CHTF18: variants seen among roughly 807,000 people sequenced by gnomAD.
The protein encoded by CHTF18 is chromosome transmission fidelity factor 18, also known as chromosome transmission fidelity protein 18 homolog.
A neutral mutation model predicts 113.4 loss-of-function variants in CHTF18; 151 were observed. The ratio of observed to expected loss-of-function variants is 1.33; its 90% CI spans 1.17 to 1.52. The LOEUF (loss-of-function observed/expected upper bound fraction) is 1.52. CHTF18 is among the 40% of genes most tolerant of loss of function. The probability of loss-of-function intolerance (pLI) is 0.00; values close to 1 mark genes in which losing one functional copy is unlikely to be tolerated. For missense variants in CHTF18, 1,982 were observed against 1,381.6 expected (o/e 1.43, Z -6.89); for synonymous variants, 916 against 598.8 (o/e 1.53, Z -7.74).
chr16:790,439 G>T (rs1018554427), intron 6 of CHTF18, 40 bp downstream of exon 6: 1 of 1,611,656 alleles, frequency 6.2e-7, no homozygotes, highest in African/African-American at 1.3e-5. Flanking sequence ...ACCCTTGTTG[G>T]CTCTTGCACC....
Position 794,141 on chromosome 16 carries a change from G to C in CHTF18, c.1890G>C (p.Gln630His). ...CGGGCTCCCTCACCTCCGCCTCACA[G>C]CGATTCTACCGTGTCCTGCATGCCG... Reference protein sequence around the residue: ...GDAGSLTSASQRFYRVLHAAA... With the variant: ...GDAGSLTSASHRFYRVLHAAA... Residue 630 changes from glutamine to histidine, a missense_variant, in exon 15 of 22, where the codon CAG becomes CAC. Gln to His is a conservative substitution (Grantham distance 24, BLOSUM62 0). Transcript: ENST00000262315. The C allele has an allele frequency of 1.9e-6, 3 of 1,612,512 alleles. No individual in the cohort carries two copies. The highest frequency in any genetic ancestry group is 2.5e-6 in the Non-Finnish European group (3 of 1,179,764).
intron 12 of CHTF18, 46 bp downstream of exon 12, chr16:792,857 G>A (rs1395364461): frequency 6.5e-7 from 1 of 1,532,072 alleles, no homozygotes; most frequent in Non-Finnish European, 8.8e-7. Flanking sequence ...GGGGTTGGGG[G>A]CGTGGCCTCG....
At chr16:789,435 A>T (rs2042104748) in intron 3 of CHTF18, 75 bp downstream of exon 3, 1 of 1,534,054 alleles carries the variant, frequency 6.5e-7, no homozygotes. Flanking sequence ...CGTGCCCTGG[A>T]TGAGGCCTGG....
intron 18 of CHTF18, 90 bp downstream of exon 18, chr16:796,167 A>C: frequency 6.7e-7 from 1 of 1,500,000 alleles, no homozygotes; most frequent in East Asian, 2.5e-5. Context: ...AGGAGTCTGA[A>C]AGCACGGTCA....
At position 792,551 on chromosome 16, in the gene CHTF18, G is replaced by T. The variant is rs376373561; in HGVS notation, c.1439G>T (p.Gly480Val). The change falls in exon 11 of 22, where the codon GGG becomes GTG. Residue 480 changes from glycine (G) to valine (V), a missense_variant. Gly to Val is a moderately radical substitution (Grantham distance 109). Coordinates refer to ENST00000262315, the MANE Select transcript of CHTF18 (RefSeq NM_022092.3). ...GGCCGACGGCGCCGGGCAGAGGGGG[G>T]GCTCCTCATGAGGCCCATTATCTGC... is the stretch of plus-strand genomic sequence containing the variant. ...GGGRRRRAEG[G>V]LLMRPIICIC... 43 of 1,596,550 alleles carry T rather than the reference G, an allele frequency of 2.7e-5. No homozygotes were observed. In the East Asian group the frequency reaches 6.2e-4, roughly 23 times the overall value.
intron 17 of CHTF18, 50 bp from the exon 18 acceptor site, chr16:795,897 A>G (rs199570458): frequency 1.9e-6 from 3 of 1,602,048 alleles, no homozygotes; most frequent in African/African-American, 1.3e-5. Flanking sequence ...AGGTGAGCAC[A>G]CATTTGTACA....
In CHTF18 at chr16:795,186, G is replaced by T; in HGVS notation, c.2005G>T (p.Val669Leu). 1 of 1,558,814 alleles carries T rather than the reference G, an allele frequency of 6.4e-7. No homozygotes were observed. Reference sequence around the variant, plus strand: ...GCTGCGAGACTCCAGCCTGGGTGCTGTGTGTGTGGCCCTCGACTGGCTGGC... The same window carrying T: ...GCTGCGAGACTCCAGCCTGGGTGCTTTGTGTGTGGCCCTCGACTGGCTGGC... ...LRLRDSSLGA[V>L]CVALDWLAFD... The change falls in exon 16 of 22, where the codon GTG (valine) becomes TTG (leucine). Residue 669 changes from valine to leucine, a missense_variant. Transcript: ENST00000262315.
chr16:797,605 C>A lies in CHTF18; in HGVS notation c.2734-89C>A, dbSNP rs3817834. 18,025 of 1,449,950 alleles carry A rather than the reference C, an allele frequency of 0.012. 1,077 individuals are homozygous for A. The South Asian group carries it at 0.14, about 11-fold the overall frequency. The allele number at this position is 1,449,950 out of a possible 1,614,324, so 89.8% of individuals were successfully genotyped here. The stretch of plus-strand genomic sequence containing the variant: ...TCTCAGAGGTGTTCTGGTCCCTCCT[C>A]CCTGGGAAGGCTCTCGGTCCTCCTG... On this transcript the variant is annotated intron_variant, in intron 20 of 21. Coordinates refer to ENST00000262315, the MANE Select transcript of CHTF18 (RefSeq NM_022092.3).
chr16:791,511 G>T, intron 8 of CHTF18, 141 bp downstream of exon 8: 2 of 1,440,756 alleles, frequency 1.4e-6, no homozygotes, highest in Non-Finnish European at 1.8e-6. Flanking sequence ...ATTAGCGTGA[G>T]TTAGAACTGG....
intron 14 of CHTF18, chr16:793,508 C>A: frequency 1.6e-6 from 1 of 611,232 alleles, no homozygotes; most frequent in African/African-American, 1.8e-5. Context: ...AAGGACACCC[C>A]CAGTGTGGTG....
chr16:795,000 T>A, intron 15 of CHTF18, 132 bp from the exon 16 acceptor site: 1 of 710,660 alleles, frequency 1.4e-6, no homozygotes, highest in Non-Finnish European at 2.3e-6. Context: ...GGGACCCTTG[T>A]GGAGGGTCTG....
Position 794,193 on chromosome 16 carries a change from G to C in CHTF18, c.1942G>C (p.Val648Leu). ...TGCCTCTGCGGGCGAGCACGAGAAG[G>C]TGGTCCAGGTACCTGTCTTCCACCA... Reference protein sequence around the residue: ...AAASAGEHEKVVQGLFDNFLR... With the variant: ...AAASAGEHEKLVQGLFDNFLR... Residue 648 changes from valine to leucine, a missense_variant, in exon 15 of 22, where the codon GTG (valine) becomes CTG (leucine). By Grantham distance (32) the Val-to-Leu change is conservative (BLOSUM62 1). Coordinates refer to ENST00000262315, the MANE Select transcript of CHTF18 (RefSeq NM_022092.3). The C allele has an allele frequency of 6.2e-7, 1 of 1,611,326 alleles. No individual in the cohort carries two copies.
At chr16:789,906 C>A in intron 4 of CHTF18, 191 bp downstream of exon 4, 1 of 1,432,398 alleles carries the variant, frequency 7.0e-7, no homozygotes, top group Non-Finnish European at 9.4e-7. Context: ...TGCTGTCCAG[C>A]CTGTTTGTAT....
At chr16:791,505 G>A in intron 8 of CHTF18, 135 bp downstream of exon 8, 4 of 1,443,430 alleles carry the variant, frequency 2.8e-6, no homozygotes, top group Non-Finnish European at 3.6e-6. Flanking sequence ...AGCGCCATTA[G>A]CGTGAGTTAG....
intron 6 of CHTF18, 43 bp downstream of exon 6, chr16:790,442 C>G: frequency 1.2e-6 from 2 of 1,611,462 alleles, no homozygotes; most frequent in Non-Finnish European, 1.7e-6. Context: ...CTTGTTGGCT[C>G]TTGCACCAAC....
intron 6 of CHTF18, 59 bp downstream of exon 6, chr16:790,458 G>A (rs1460591115): frequency 1.2e-6 from 2 of 1,610,294 alleles, no homozygotes; most frequent in Non-Finnish European, 1.7e-6. Flanking sequence ...CCAACTCCTA[G>A]CTCCTAGCGT....
Position 797,960 on chromosome 16 carries a change from C to T in CHTF18, c.2913C>T (p.Ile971=). 1.2e-6 allele frequency: 2 copies of T among 1,611,902 alleles called. No homozygotes were observed. The highest frequency in any genetic ancestry group is 1.1e-5 in the South Asian group (1 of 91,018). Residue 971 remains isoleucine (I), a synonymous_variant, in exon 22 of 22, where the codon ATC becomes ATT. Transcript: ENST00000262315. ...ACGCCGTGCGGCGCAGCCTGTACATCAGGGACTTGCTCTAGTTCTCTGAGC... is the reference window on the plus strand; with the variant it reads ...ACGCCGTGCGGCGCAGCCTGTACATTAGGGACTTGCTCTAGTTCTCTGAGC... ...VSNAVRRSLY[I]RDLL
At position 795,287 on chromosome 16, in the gene CHTF18, C is replaced by G; in HGVS notation, c.2106C>G (p.Pro702=). ...TGCTGCGCTACCCACCCTTCCTGCC[C>G]GTGGCCTTCCATGTGCTGTTTGCTT... is the stretch of plus-strand genomic sequence containing the variant. The part of the protein sequence containing the change: ...FQLLRYPPFL[P]VAFHVLFASS... Residue 702 remains proline (P), a synonymous_variant, in exon 16 of 22, where the codon CCC becomes CCG. Transcript: ENST00000262315. 6 of 1,548,992 alleles carry G rather than the reference C, an allele frequency of 3.9e-6. No individual in the cohort carries two copies. The highest frequency in any genetic ancestry group is 3.6e-5 in the South Asian group (3 of 84,004).
At chr16:789,501 G>T in intron 3 of CHTF18, 46 bp from the exon 4 acceptor site, 2 of 1,559,654 alleles carry the variant, frequency 1.3e-6, no homozygotes, top group Non-Finnish European at 1.7e-6. Context: ...ATCCAAGGGT[G>T]ACCCCACGCT....
Sources: allele counts gnomAD v4.1 joint callset, GRCh38; gene constraint gnomAD v4.1.1; transcripts MANE v1.5; gene names NCBI Gene and HGNC (gene_info 2026-07-23, HGNC 2026-07-21).